The following EPB41 variants were observed in gnomAD, a reference collection of about 807,000 sequenced individuals.
The protein encoded by EPB41 is erythrocyte membrane protein band 4.1, also known as protein 4.1.
Under a neutral mutation model 108.0 loss-of-function variants are expected in EPB41, and 65 were observed. The observed-to-expected ratio is 0.60, with a 90% confidence interval of 0.49 to 0.74. The LOEUF (loss-of-function observed/expected upper bound fraction) is 0.74, where lower values mean the gene tolerates loss of function less well. Ranked by LOEUF, EPB41 falls within the 30% of genes least tolerant of loss-of-function variation. EPB41 has a pLI of 0.00. For synonymous variants in EPB41, 336 were observed against 358.9 expected, an observed-to-expected ratio of 0.94 and a Z score of 0.72; for missense variants, 875 against 1,037.0, an observed-to-expected ratio of 0.84 and a Z score of 2.15.
At chr1:28,895,950 A>C (rs2090619062) in intron 1 of EPB41, among the ~76,000 whole-genome samples, 1 of 152,162 alleles carries the variant, frequency 6.6e-6, no homozygotes, top group Admixed American at 6.5e-5. Flanking sequence ...CTGCACCCCC[A>C]CCCAGGCCTG....
At position 29,018,316 on chromosome 1, in the gene EPB41, T is replaced by C; in HGVS notation, c.998T>C (p.Ile333Thr). Reference protein sequence around the residue: ...ATLALLGSYTIQSELGDYDPE... With the variant: ...ATLALLGSYTTQSELGDYDPE... ...TTAGCATTATTAGGTTCTTACACCA[T>C]CCAGTCTGAACTGGGAGACTACGAC... Residue 333 changes from isoleucine (I) to threonine (T), a missense_variant, in exon 7 of 21, where the codon ATC becomes ACC. By Grantham distance (89) the Ile-to-Thr change is moderately conservative. Transcript: ENST00000343067. This position sits in a 1 kb window ranked among gnomAD's most constrained non-coding sequence, Gnocchi z 4.4. 1.2e-6 allele frequency: 2 copies of C among 1,614,196 alleles called. No homozygotes were observed. The highest frequency in any genetic ancestry group is 2.2e-5 in the East Asian group (1 of 44,890).
chr1:28,904,364 T>C (rs563751347), intron 1 of EPB41, among the ~76,000 whole-genome samples: 2 of 152,198 alleles, frequency 1.3e-5, no homozygotes, highest in Admixed American at 1.3e-4. Flanking sequence ...TTGAGGATTC[T>C]TTCTGGTTGG....
At chr1:29,083,901 A>G (rs1657748507) in intron 16 of EPB41, among the ~76,000 whole-genome samples, 1 of 152,164 alleles carries the variant, frequency 6.6e-6, no homozygotes, top group African/African-American at 2.4e-5. Flanking sequence ...TAAATTCTAC[A>G]TTTTTTAGTT....
intron 12 of EPB41, among the ~76,000 whole-genome samples, chr1:29,055,221 T>A (rs1227642961): frequency 6.6e-6 from 1 of 152,198 alleles, no homozygotes; most frequent in African/African-American, 2.4e-5. Context: ...TGTTTAATGT[T>A]AGACTACCTC....
intron 1 of EPB41, among the ~76,000 whole-genome samples, chr1:28,941,894 C>CAAA (rs58524634): frequency 1.0e-3 from 65 of 64,422 alleles, no homozygotes; most frequent in Middle Eastern, 8.1e-3. Flanking sequence ...AGCTCTGTCT[C>CAAA]AAAAAAAAAA....
chr1:29,109,230 T>G, intron 17 of EPB41, 106 bp from the exon 18 acceptor site: 1 of 841,516 alleles, frequency 1.2e-6, no homozygotes, highest in Non-Finnish European at 2.0e-6. Context: ...TCTAAGGGAA[T>G]GAGATTTTTG....
At chr1:29,084,738 A>G (rs6702335) in intron 16 of EPB41, among the ~76,000 whole-genome samples, 46,805 of 152,142 alleles carry the variant, frequency 0.31, 8,900 homozygotes, top group Non-Finnish European at 0.41. Context: ...TCCCAAAACT[A>G]TCCATTATAA....
At chr1:28,899,053 C>G (rs543499753) in intron 1 of EPB41, among the ~76,000 whole-genome samples, 4 of 152,142 alleles carry the variant, frequency 2.6e-5, no homozygotes, top group Non-Finnish European at 4.4e-5. Flanking sequence ...GGAACAGACA[C>G]GGACCTCAGA....
At chr1:29,064,808 A>C (rs747541539) in intron 15 of EPB41, 174 bp from the exon 16 acceptor site, 88 of 808,264 alleles carry the variant, frequency 1.1e-4, no homozygotes, top group Non-Finnish European at 1.4e-4. Context: ...TTTAAAGAAA[A>C]AAAAGGCAAG....
intron 10 of EPB41, among the ~76,000 whole-genome samples, chr1:29,036,451 C>T (rs538390529): frequency 3.3e-4 from 50 of 151,810 alleles, no homozygotes; most frequent in African/African-American, 1.2e-3. Flanking sequence ...AATAGAGACA[C>T]GCTTTCACTA....
intron 1 of EPB41, among the ~76,000 whole-genome samples, chr1:28,938,229 T>A (rs1051830938): frequency 1.3e-5 from 2 of 152,196 alleles, no homozygotes; most frequent in African/African-American, 4.8e-5. Context: ...TTTTGTCCAT[T>A]TTTGTGGAAA....
intron 1 of EPB41, among the ~76,000 whole-genome samples, chr1:28,949,849 G>A (rs2094638571): frequency 6.6e-6 from 1 of 152,042 alleles, no homozygotes; most frequent in Non-Finnish European, 1.5e-5. Context: ...TGATGTGCCC[G>A]CCTCGGCCTC....
chr1:29,022,588 G>T (rs2096660836), intron 7 of EPB41, among the ~76,000 whole-genome samples: 1 of 150,976 alleles, frequency 6.6e-6, no homozygotes, highest in Admixed American at 6.6e-5. Context: ...AGGCATGGTG[G>T]TGGGCACCTG....
At position 29,036,979 on chromosome 1, in the gene EPB41, C is replaced by T. The variant is rs567930505; in HGVS notation, c.1463+1056C>T. ...ACAGGTGTGAGCCACCGTGCCTGGC[C>T]AACCTTGAAGCTGATTGTTAGCTTC... On this transcript the variant is annotated intron_variant, in intron 10 of 20. Transcript: ENST00000343067. Among the ~76,000 whole-genome samples, 4 of 150,688 alleles carry T rather than the reference C, an allele frequency of 2.7e-5. No homozygotes were observed. The South Asian group carries it at 8.4e-4, about 32-fold the overall frequency.
Position 28,887,567 on chromosome 1 carries a change from C to G in EPB41, c.-8+357C>G. 1.0e-6 allele frequency: 1 copy of G among 985,286 alleles called. No homozygotes were observed. Among genetic ancestry groups the G allele is most frequent in the Non-Finnish European group, 1.2e-6 (1 of 829,840 alleles). 61.0% of individuals were successfully genotyped at this position (985,286 alleles called of 1,614,324 possible). ...CCCTGCAGGTCGGCGCAGCCCCCGG[C>G]CGCCCCCTAGCCCCGCCTTGCCCGG... On this transcript the variant is annotated intron_variant, in intron 1 of 16. Coordinates refer to the EPB41 transcript ENST00000347529. This position sits in a 1 kb window ranked among gnomAD's most constrained non-coding sequence, Gnocchi z 4.9.
At chr1:29,106,056 CTTG>C (rs1226374403) in intron 17 of EPB41, among the ~76,000 whole-genome samples, 6 of 152,068 alleles carry the variant, frequency 3.9e-5, no homozygotes, top group African/African-American at 1.2e-4. Context: ...GGCCACAAAT[CTTG>C]TTGTGGGCGT....
At chr1:28,956,279 A>T (rs1050667629) in intron 1 of EPB41, among the ~76,000 whole-genome samples, 2 of 152,244 alleles carry the variant, frequency 1.3e-5, no homozygotes, top group Non-Finnish European at 2.9e-5. Context: ...GTTGGGTACT[A>T]ATTACAACTG....
chr1:28,923,772 A>G (rs2093281966), intron 1 of EPB41, among the ~76,000 whole-genome samples: 1 of 152,234 alleles, frequency 6.6e-6, no homozygotes, highest in Non-Finnish European at 1.5e-5. Context: ...TCATAGAATC[A>G]TATTTAAATA....
intron 1 of EPB41, among the ~76,000 whole-genome samples, chr1:28,971,523 A>G (rs953409610): frequency 1.3e-5 from 2 of 152,126 alleles, no homozygotes; most frequent in South Asian, 4.1e-4. Flanking sequence ...ACACTTGGCT[A>G]TCTGGTTTCT....
Sources: gnomAD v4.1 joint callset for allele counts (sites outside exome capture counted in the v4.1 genomes callset) on GRCh38, gnomAD v4.1.1 for gene constraint, Gnocchi (gnomAD v3.1) non-coding constraint, MANE v1.5 for transcripts, NCBI Gene and HGNC (gene_info 2026-07-23, HGNC 2026-07-21) for gene names.